Variants in ZNF274 observed in about 807,000 individuals in gnomAD.
The protein encoded by ZNF274 is zinc finger protein 274.
A neutral mutation model predicts 42.5 loss-of-function variants in ZNF274; 23 were observed. The observed-to-expected ratio is 0.54, with a 90% CI of 0.39 to 0.77. The LOEUF is 0.77. ZNF274 is among the 30% of genes least tolerant of loss of function. ZNF274 has a pLI of 0.00. For missense variants in ZNF274, 679 were observed against 806.5 expected (o/e 0.84, Z 1.91); for synonymous variants, 292 against 305.4 (o/e 0.96, Z 0.46).
intron 4 of ZNF274, among the ~76,000 whole-genome samples, chr19:58,198,118 A>G (rs2075865234): frequency 6.6e-6 from 1 of 151,786 alleles, no homozygotes; most frequent in Non-Finnish European, 1.5e-5. Flanking sequence ...TGGCTTTAAG[A>G]AAAAAAAAGA....
At chr19:58,200,171 T>G (rs1300774668) in intron 4 of ZNF274, among the ~76,000 whole-genome samples, 1 of 152,142 alleles carries the variant, frequency 6.6e-6, no homozygotes, top group Non-Finnish European at 1.5e-5. Context: ...CAGTGATGAG[T>G]GGGGCAGGTC....
intron 4 of ZNF274, among the ~76,000 whole-genome samples, chr19:58,193,554 G>T (rs533546435): frequency 5.9e-4 from 86 of 146,462 alleles, no homozygotes; most frequent in African/African-American, 2.1e-3. Context: ...CTGGGTTCAA[G>T]TGATTCTCCT....
At chr19:58,198,898 CAG>C (rs1391412885) in intron 4 of ZNF274, among the ~76,000 whole-genome samples, 1 of 146,698 alleles carries the variant, frequency 6.8e-6, no homozygotes. Context: ...CCATTAAAGA[CAG>C]GGATGGGTGC....
chr19:58,200,119 A>T (rs2075892969), intron 4 of ZNF274, among the ~76,000 whole-genome samples: 1 of 152,230 alleles, frequency 6.6e-6, no homozygotes, highest in South Asian at 2.1e-4. Context: ...ATATTACTTG[A>T]GCACTTGCCA....
intron 4 of ZNF274, among the ~76,000 whole-genome samples, chr19:58,200,376 C>T (rs1181006066): frequency 6.6e-6 from 1 of 152,130 alleles, no homozygotes; most frequent in Non-Finnish European, 1.5e-5. Flanking sequence ...CAGCACTGCT[C>T]TAGATAGGGT....
intron 2 of ZNF274, 89 bp downstream of exon 2, chr19:58,184,087 C>G: frequency 7.0e-7 from 1 of 1,432,576 alleles, no homozygotes; most frequent in Non-Finnish European, 9.6e-7. Flanking sequence ...CCTGAGATAC[C>G]CCCATCCTCC....
At chr19:58,202,103 T>C (rs1256723577) in intron 4 of ZNF274, 1 of 152,232 alleles carries the variant, frequency 6.6e-6, no homozygotes, top group Non-Finnish European at 1.5e-5. Context: ...GGAAAAGTGA[T>C]GGGGTACTGT....
At chr19:58,183,872 A>C (rs1428853919) in intron 1 of ZNF274, 49 bp from the exon 2 acceptor site, 2 of 1,329,738 alleles carry the variant, frequency 1.5e-6, no homozygotes, top group South Asian at 2.6e-5. Context: ...GTAGCTCCCC[A>C]GCGGACACCT....
intron 3 of ZNF274, 132 bp downstream of exon 3, chr19:58,185,970 C>G (rs2075693169): frequency 1.3e-6 from 1 of 741,986 alleles, no homozygotes; most frequent in Non-Finnish European, 2.0e-6. Flanking sequence ...AGTATGACTT[C>G]TGAATCATTG....
intron 4 of ZNF274, among the ~76,000 whole-genome samples, chr19:58,204,313 G>A (rs897012399): frequency 1.3e-5 from 2 of 152,116 alleles, no homozygotes; most frequent in Admixed American, 1.3e-4. Context: ...TAGGCCCCGC[G>A]GGTGTCGTAG....
At chr19:58,184,117 G>T in intron 2 of ZNF274, 119 bp downstream of exon 2, 1 of 1,180,712 alleles carries the variant, frequency 8.5e-7, no homozygotes, top group Non-Finnish European at 1.2e-6. Flanking sequence ...CGGGGAGGGG[G>T]TAGAGATTGG....
intron 1 of ZNF274, 157 bp from the exon 2 acceptor site, chr19:58,183,764 C>A (rs777636251): frequency 3.5e-6 from 2 of 571,318 alleles, no homozygotes; most frequent in Non-Finnish European, 6.2e-6. Context: ...TGGTCCTATC[C>A]AGTCCTGTGG....
chr19:58,205,748 G>A (rs1283704796), intron 4 of ZNF274, among the ~76,000 whole-genome samples: 13 of 152,304 alleles, frequency 8.5e-5, no homozygotes, highest in Admixed American at 3.9e-4. Context: ...GTTTAGCAAT[G>A]TGCTCTTGTG....
Position 58,185,716 on chromosome 19 carries a change from C to A in ZNF274, c.38C>A (p.Pro13Gln). 1 of 1,442,992 alleles carries A rather than the reference C, an allele frequency of 6.9e-7. No individual in the cohort carries two copies. The highest frequency in any genetic ancestry group is 1.6e-5 in the South Asian group (1 of 63,602). 89.4% of individuals were successfully genotyped at this position (1,442,992 alleles called of 1,614,324 possible). Reference sequence around the variant, plus strand: ...AACAAGAATCTGGATTTTTAGGAACCAGTGACCTTTGAAGATGTAACACTG... The same window carrying A: ...AACAAGAATCTGGATTTTTAGGAACAAGTGACCTTTGAAGATGTAACACTG... ...SRLPTAWSCE[P>Q]VTFEDVTLGF... is the part of the protein sequence containing the mutation. Residue 13 changes from proline (P) to glutamine (Q), a missense_variant, in exon 3 of 8, where the codon CCA becomes CAA. Coordinates refer to ENST00000617501, the MANE Select transcript of ZNF274 (RefSeq NM_133502.3).
At chr19:58,183,733 TC>T in intron 1 of ZNF274, 187 bp from the exon 2 acceptor site, 1 of 516,548 alleles carries the variant, frequency 1.9e-6, no homozygotes, top group Non-Finnish European at 3.5e-6. Context: ...AGGCTCGGTG[TC>T]CTCTCGGGGA....
At chr19:58,200,446 A>G (rs1361535496) in intron 4 of ZNF274, among the ~76,000 whole-genome samples, 1 of 152,216 alleles carries the variant, frequency 6.6e-6, no homozygotes, top group Non-Finnish European at 1.5e-5. Context: ...TTGGAAAGAG[A>G]AGGAAACAAT....
intron 4 of ZNF274, among the ~76,000 whole-genome samples, chr19:58,187,341 T>C (rs953193137): frequency 3.3e-5 from 5 of 152,228 alleles, no homozygotes; most frequent in Non-Finnish European, 7.3e-5. Flanking sequence ...TGGTGTGTAT[T>C]TCCAGCCAGA....
At chr19:58,204,745 C>T (rs913787417) in intron 4 of ZNF274, among the ~76,000 whole-genome samples, 2 of 152,122 alleles carry the variant, frequency 1.3e-5, no homozygotes, top group Non-Finnish European at 1.5e-5. Flanking sequence ...ACTACCCGTT[C>T]TTCCAGTTTT....
intron 4 of ZNF274, among the ~76,000 whole-genome samples, chr19:58,205,475 C>A (rs2146238815): frequency 6.6e-6 from 1 of 152,214 alleles, no homozygotes; most frequent in East Asian, 1.9e-4. Flanking sequence ...GTAGCTAGGA[C>A]CACAGGTGTA....
Sources: allele counts gnomAD v4.1 joint callset (sites outside exome capture counted in the v4.1 genomes callset), GRCh38; gene constraint gnomAD v4.1.1; transcripts MANE v1.5; gene names NCBI Gene and HGNC (gene_info 2026-07-23, HGNC 2026-07-21).